ARHGEF3: variants seen among roughly 807,000 people sequenced by gnomAD.
ARHGEF3 encodes the protein Rho guanine nucleotide exchange factor 3.
In ARHGEF3, 28 loss-of-function variants were observed where a neutral mutation model predicts 63.2. That is an observed-to-expected ratio of 0.44 (90% confidence interval 0.33 to 0.61). The LOEUF is 0.61. Ranked by LOEUF, ARHGEF3 falls within the 20% of genes least tolerant of loss-of-function variation. The pLI, the probability that ARHGEF3 is intolerant of heterozygous loss-of-function variation, is 0.03. For missense variants in ARHGEF3, 533 were observed against 659.3 expected, an observed-to-expected ratio of 0.81 and a Z score of 2.10; for synonymous variants, 266 against 254.2, an observed-to-expected ratio of 1.05 and a Z score of -0.44.
intron 2 of ARHGEF3, among the ~76,000 whole-genome samples, chr3:57,003,444 A>G (rs1702343904): frequency 6.7e-6 from 1 of 149,828 alleles, no homozygotes; most frequent in South Asian, 2.1e-4. Flanking sequence ...TAACTTGCCA[A>G]TATCACCAAG....
At chr3:56,961,989 G>A (rs372815332) in intron 2 of ARHGEF3, among the ~76,000 whole-genome samples, 1 of 152,182 alleles carries the variant, frequency 6.6e-6, no homozygotes, top group African/African-American at 2.4e-5. Context: ...AGGTTGCAAC[G>A]AGCTATGATC....
In ARHGEF3 at chr3:56,825,539, C is replaced by T. The variant is rs574493857; in HGVS notation, c.193-51723G>A. On this transcript the variant is annotated intron_variant, in intron 4 of 12. Coordinates refer to the ARHGEF3 transcript ENST00000338458. ...AAATTCCATTTAGGATCTCAGAAAC[C>T]CATCATCAGTAATAGGCAGCAACAT... Among the ~76,000 whole-genome samples, 6 of 152,250 alleles carry T rather than the reference C, an allele frequency of 3.9e-5. No individual in the cohort carries two copies. In the East Asian group the frequency reaches 1.2e-3, roughly 29 times the overall value.
intron 2 of ARHGEF3, among the ~76,000 whole-genome samples, chr3:56,968,715 T>C (rs1700776574): frequency 6.6e-6 from 1 of 152,122 alleles, no homozygotes; most frequent in Non-Finnish European, 1.5e-5. Flanking sequence ...CCAGATATTA[T>C]TGAACACATA....
chr3:56,860,533 C>T lies in ARHGEF3; in HGVS notation c.192+21759G>A, dbSNP rs191940706. 7.0e-4 allele frequency among the ~76,000 whole-genome samples: 107 copies of T among 152,172 alleles called. 4 individuals carry two copies. The South Asian group carries it at 0.02, about 28-fold the overall frequency. On this transcript the variant is annotated intron_variant, in intron 4 of 12. Transcript: ENST00000338458. ...GTCATTTTACAATCAAATGGGCATA[C>T]AAAATATTCTGAGATATATGTAACC...
chr3:56,896,312 T>G (rs2041300527), intron 3 of ARHGEF3, among the ~76,000 whole-genome samples: 1 of 152,160 alleles, frequency 6.6e-6, no homozygotes, highest in Non-Finnish European at 1.5e-5. Context: ...ATATAAAATA[T>G]TTTTCTTCCT....
intron 3 of ARHGEF3, chr3:56,898,662 A>T: frequency 4.3e-6 from 1 of 231,830 alleles, no homozygotes; most frequent in South Asian, 3.9e-5. Context: ...GGAAAATGAG[A>T]CAAAGAAAAG....
intron 1 of ARHGEF3, among the ~76,000 whole-genome samples, chr3:57,053,598 C>A (rs1350205371): frequency 3.3e-5 from 5 of 152,162 alleles, no homozygotes; most frequent in African/African-American, 7.2e-5. Flanking sequence ...GATCACCAAC[C>A]AAATCAAAAC....
chr3:56,882,613 G>A (rs1268582833), intron 3 of ARHGEF3, among the ~76,000 whole-genome samples: 4 of 148,012 alleles, frequency 2.7e-5, no homozygotes, highest in Non-Finnish European at 4.4e-5. Flanking sequence ...CTGCCTCCTC[G>A]GTTCAAGCGA....
rs1578655978 is a variant in ARHGEF3, at chr3:56,843,476, A to G, written c.192+38816T>C. On this transcript the variant is annotated intron_variant, in intron 4 of 12. Coordinates refer to the ARHGEF3 transcript ENST00000338458. ...GAGAAAGGGTTTCACCATGTGGCCCAGGCTGGTCTCAAACTCCTGGACTCA... is the reference window on the plus strand; with the variant it reads ...GAGAAAGGGTTTCACCATGTGGCCCGGGCTGGTCTCAAACTCCTGGACTCA... Among the ~76,000 whole-genome samples the G allele has an allele frequency of 2.0e-5, 3 of 151,902 alleles. No individual in the cohort carries two copies. The South Asian group carries it at 6.2e-4, about 32-fold the overall frequency.
chr3:56,898,946 C>G (rs1185831170), intron 3 of ARHGEF3, among the ~76,000 whole-genome samples: 2 of 152,048 alleles, frequency 1.3e-5, no homozygotes, highest in African/African-American at 4.8e-5. Flanking sequence ...CCCAGCTACT[C>G]GGGAGGCTGA....
intron 3 of ARHGEF3, among the ~76,000 whole-genome samples, chr3:56,955,947 C>T (rs1263205373): frequency 6.6e-6 from 1 of 152,242 alleles, no homozygotes; most frequent in African/African-American, 2.4e-5. Flanking sequence ...AGGAATCTGG[C>T]CTTTGGCCAG....
chr3:56,801,959 A>G (rs1559953788), upstream of ARHGEF3: 1 of 1,450,634 alleles, frequency 6.9e-7, no homozygotes, highest in East Asian at 3.0e-5. Flanking sequence ...TGGGCTCCGG[A>G]GCCGAGTGGG....
chr3:57,065,200 G>A (rs1268919169), intron 1 of ARHGEF3, among the ~76,000 whole-genome samples: 4 of 152,172 alleles, frequency 2.6e-5, no homozygotes, highest in African/African-American at 7.2e-5. Flanking sequence ...CACGCCTCAC[G>A]CCTGTAATCC....
chr3:57,043,703 A>T (rs1704327167), intron 1 of ARHGEF3, among the ~76,000 whole-genome samples: 1 of 152,116 alleles, frequency 6.6e-6, no homozygotes, highest in African/African-American at 2.4e-5. Context: ...ACACAGCATA[A>T]GTAATTAACA....
At position 56,771,110 on chromosome 3, in the gene ARHGEF3, T is replaced by C. The variant is rs148182956; in HGVS notation, c.204+2599A>G. Among the ~76,000 whole-genome samples the C allele has an allele frequency of 5.8e-3, 863 of 148,056 alleles. 12 individuals are homozygous for C. Among genetic ancestry groups the C allele is most frequent in the African/African-American group, 0.02 (803 of 39,714 alleles). On this transcript the variant is annotated intron_variant, in intron 2 of 9. Coordinates refer to ENST00000296315, the MANE Select transcript of ARHGEF3 (RefSeq NM_019555.3). ...CCCAGGCAACAAGGGTGAAACTCCA[T>C]CTCAAAAAAAAAAAAAAATTATTTT...
intron 4 of ARHGEF3, among the ~76,000 whole-genome samples, chr3:56,846,467 T>C (rs916485562): frequency 6.6e-5 from 10 of 152,098 alleles, no homozygotes; most frequent in African/African-American, 2.4e-4. Context: ...GACTGGGTGA[T>C]AAAAAAACTT....
chr3:57,074,123 G>T, intron 1 of ARHGEF3: 1 of 1,613,694 alleles, frequency 6.2e-7, no homozygotes, highest in Non-Finnish European at 8.5e-7. Flanking sequence ...CCACAGGATG[G>T]TTGTGGAGAC....
chr3:56,781,336 C>T (rs976624733), intron 1 of ARHGEF3, among the ~76,000 whole-genome samples: 1 of 151,966 alleles, frequency 6.6e-6, no homozygotes, highest in Non-Finnish European at 1.5e-5. Context: ...CAACCTCCAC[C>T]TCTGGGTTCA....
At chr3:57,054,175 T>C (rs1325617870) in intron 1 of ARHGEF3, among the ~76,000 whole-genome samples, 2 of 152,202 alleles carry the variant, frequency 1.3e-5, no homozygotes, top group African/African-American at 2.4e-5. Flanking sequence ...TTTGAGTCTT[T>C]TTAATTTTAG....
Sources: allele counts gnomAD v4.1 joint callset (sites outside exome capture counted in the v4.1 genomes callset), GRCh38; gene constraint gnomAD v4.1.1; transcripts MANE v1.5; gene names NCBI Gene and HGNC (gene_info 2026-07-23, HGNC 2026-07-21).